PALM2AKAP2: variants seen among roughly 807,000 people sequenced by gnomAD.
PALM2AKAP2 encodes PALM2 and AKAP2 fusion.
In PALM2AKAP2, 37 loss-of-function variants were observed where a neutral mutation model predicts 71.5. The observed-to-expected ratio is 0.52, with a 90% CI of 0.40 to 0.68. The LOEUF is 0.68. PALM2AKAP2 is among the 30% of genes least tolerant of loss of function. The pLI, the probability that PALM2AKAP2 is intolerant of heterozygous loss-of-function variation, is 0.00. For missense variants in PALM2AKAP2, 1,224 were observed against 1,191.8 expected (o/e 1.03, Z -0.40); for synonymous variants, 468 against 478.8 (o/e 0.98, Z 0.29).
intron 1 of PALM2AKAP2, among the ~76,000 whole-genome samples, chr9:110,063,786 T>C (rs1834016803): frequency 6.6e-6 from 1 of 152,188 alleles, no homozygotes; most frequent in Non-Finnish European, 1.5e-5. Context: ...ATTAGACTCA[T>C]CCACTCTAAA....
At chr9:110,046,208 A>C (rs1223088762), upstream of PALM2AKAP2, among the ~76,000 whole-genome samples, 1 of 152,244 alleles carries the variant, frequency 6.6e-6, no homozygotes, top group African/African-American at 2.4e-5. Flanking sequence ...CAAATTAAAC[A>C]ACTATTTCTG....
At chr9:109,721,371 G>A (rs1433947461) in intron 1 of PALM2AKAP2, among the ~76,000 whole-genome samples, 1 of 152,202 alleles carries the variant, frequency 6.6e-6, no homozygotes, top group Non-Finnish European at 1.5e-5. Flanking sequence ...TGAGGACAAA[G>A]CCTGCAGAGA....
At chr9:110,075,587 TTTTC>T (rs1298129090) in intron 1 of PALM2AKAP2, among the ~76,000 whole-genome samples, 5 of 152,088 alleles carry the variant, frequency 3.3e-5, no homozygotes, top group Non-Finnish European at 1.5e-5. Context: ...CATTCTCTTT[TTTTC>T]TTTCTTTCTT....
At chr9:110,042,951 T>G (rs1338984594) in intron 7 of PALM2AKAP2, among the ~76,000 whole-genome samples, 1 of 152,214 alleles carries the variant, frequency 6.6e-6, no homozygotes, top group Non-Finnish European at 1.5e-5. Flanking sequence ...AATTAAATTA[T>G]TTTTGACTGT....
intron 5 of PALM2AKAP2, 74 bp from the exon 6 acceptor site, chr9:109,931,853 C>T: frequency 6.6e-7 from 1 of 1,521,296 alleles, no homozygotes; most frequent in Non-Finnish European, 9.0e-7. Context: ...GGCAGACAAG[C>T]TGCTGTCTCG....
intron 1 of PALM2AKAP2, among the ~76,000 whole-genome samples, chr9:109,807,012 T>C (rs1827593741): frequency 6.6e-6 from 1 of 152,066 alleles, no homozygotes; most frequent in Non-Finnish European, 1.5e-5. Flanking sequence ...TGGGAGGATA[T>C]TGTGGTAATT....
intron 1 of PALM2AKAP2, among the ~76,000 whole-genome samples, chr9:110,081,266 A>T (rs1834441856): frequency 6.6e-6 from 1 of 152,208 alleles, no homozygotes; most frequent in Non-Finnish European, 1.5e-5. Context: ...CCTATCTGAA[A>T]AGGGATGTAT....
At position 110,155,429 on chromosome 9, in the gene PALM2AKAP2, T is replaced by C. The variant is rs141530701; in HGVS notation, c.2570-890T>C. 1.9e-3 allele frequency among the ~76,000 whole-genome samples: 283 copies of C among 152,224 alleles called. 3 individuals carry two copies. Among genetic ancestry groups the C allele is most frequent in the African/African-American group, 6.7e-3 (277 of 41,550 alleles). On this transcript the variant is annotated intron_variant, in intron 2 of 3. Transcript: ENST00000374525. ...GCTCTGTGTCAATAAACCCACCCCA[T>C]GAAGGGCCAGAAGCCAGGGCCAGGC...
chr9:110,032,886 C>T (rs1833312807), intron 7 of PALM2AKAP2, among the ~76,000 whole-genome samples: 1 of 151,648 alleles, frequency 6.6e-6, no homozygotes, highest in African/African-American at 2.4e-5. Flanking sequence ...CAGTAAGCCA[C>T]AATCCTACCA....
At chr9:109,708,092 G>A (rs553073326) in intron 1 of PALM2AKAP2, among the ~76,000 whole-genome samples, 17 of 152,064 alleles carry the variant, frequency 1.1e-4, no homozygotes, top group South Asian at 6.3e-4. Flanking sequence ...TCTTTAAATC[G>A]CTGTGGGCAT....
chr9:109,780,331 A>T, upstream of PALM2AKAP2: 4 of 1,464,970 alleles, frequency 2.7e-6, no homozygotes, highest in Non-Finnish European at 2.7e-6. Flanking sequence ...CGCCGTGCGC[A>T]CAGCTCTGCC....
intron 1 of PALM2AKAP2, among the ~76,000 whole-genome samples, chr9:109,812,819 CT>C (rs1827759264): frequency 6.6e-6 from 1 of 152,158 alleles, no homozygotes; most frequent in Admixed American, 6.5e-5. Context: ...GCATCACTGC[CT>C]TGCTCCGTGA....
chr9:109,646,645 C>A (rs948422516), intron 1 of PALM2AKAP2, among the ~76,000 whole-genome samples: 1 of 152,208 alleles, frequency 6.6e-6, no homozygotes, highest in Admixed American at 6.5e-5. Flanking sequence ...TGCCTTCATT[C>A]ATTCATCCAG....
chr9:109,813,503 C>T (rs768636008), intron 1 of PALM2AKAP2, among the ~76,000 whole-genome samples: 4 of 151,596 alleles, frequency 2.6e-5, no homozygotes, highest in Non-Finnish European at 5.9e-5. Flanking sequence ...AACACCATGA[C>T]GTCAGCATTT....
intron 1 of PALM2AKAP2, among the ~76,000 whole-genome samples, chr9:110,109,102 G>C (rs1292146055): frequency 6.6e-6 from 1 of 152,078 alleles, no homozygotes; most frequent in Non-Finnish European, 1.5e-5. Flanking sequence ...TGGATCACCT[G>C]AGGTCAGGAG....
chr9:110,125,555 C>G, intron 1 of PALM2AKAP2: 9 of 985,486 alleles, frequency 9.1e-6, no homozygotes, highest in Non-Finnish European at 1.1e-5. Context: ...TGGAAAAAGG[C>G]AGTTCTCACT....
At chr9:109,877,886 A>G (rs1829754496) in intron 2 of PALM2AKAP2, among the ~76,000 whole-genome samples, 1 of 152,230 alleles carries the variant, frequency 6.6e-6, no homozygotes, top group African/African-American at 2.4e-5. Flanking sequence ...CAAGAAAAGC[A>G]AAGCAATAAT....
At chr9:110,046,923 A>C (rs1833609856), upstream of PALM2AKAP2, among the ~76,000 whole-genome samples, 1 of 150,948 alleles carries the variant, frequency 6.6e-6, no homozygotes, top group South Asian at 2.1e-4. Flanking sequence ...TTCCTTAGAG[A>C]GTCTATGGTC....
intron 1 of PALM2AKAP2, among the ~76,000 whole-genome samples, chr9:109,770,996 G>A (rs77499578): frequency 0.012 from 1,883 of 152,312 alleles, 43 homozygotes; most frequent in African/African-American, 0.043. Flanking sequence ...AGGTCATTAA[G>A]TGGTAAGAAC....
Sources: gnomAD v4.1 joint callset for allele counts (sites outside exome capture counted in the v4.1 genomes callset) on GRCh38, gnomAD v4.1.1 for gene constraint, MANE v1.5 for transcripts, NCBI Gene and HGNC (gene_info 2026-07-23, HGNC 2026-07-21) for gene names.